Variants in KIAA0825 observed in about 807,000 individuals in gnomAD.
The protein encoded by KIAA0825 is uncharacterized protein KIAA0825.
Under a neutral mutation model 147.6 loss-of-function variants are expected in KIAA0825, and 119 were observed. The observed-to-expected ratio is 0.81, with a 90% confidence interval of 0.69 to 0.94. The LOEUF is 0.94. Ranked by LOEUF, KIAA0825 falls within the 40% of genes least tolerant of loss-of-function variation. The pLI is 0.00. For synonymous variants in KIAA0825, 470 were observed against 518.1 expected (o/e 0.91, Z 1.26); for missense variants, 1,381 against 1,472.7 (o/e 0.94, Z 1.02).
At chr5:94,402,151 A>G (rs574685462) in intron 16 of KIAA0825, among the ~76,000 whole-genome samples, 1 of 152,286 alleles carries the variant, frequency 6.6e-6, no homozygotes, top group African/African-American at 2.4e-5. Context: ...TTTATGAAAA[A>G]TGTTATTTAG....
At chr5:94,527,279 C>G (rs1769505115) in intron 3 of KIAA0825, among the ~76,000 whole-genome samples, 1 of 151,878 alleles carries the variant, frequency 6.6e-6, no homozygotes, top group Admixed American at 6.6e-5. Flanking sequence ...TAATATTGAA[C>G]TGGTACAGTT....
At chr5:94,546,508 G>A (rs945712879) in intron 2 of KIAA0825, among the ~76,000 whole-genome samples, 1 of 136,552 alleles carries the variant, frequency 7.3e-6, no homozygotes, top group Non-Finnish European at 1.6e-5. Context: ...AGCTCCAGGT[G>A]GCTCAGCACA....
intron 10 of KIAA0825, 97 bp from the exon 11 acceptor site, chr5:94,465,156 G>T: frequency 8.6e-7 from 1 of 1,164,360 alleles, no homozygotes; most frequent in Non-Finnish European, 1.2e-6. Context: ...AAAGGAAATA[G>T]CTAAAGAGTT....
intron 20 of KIAA0825, among the ~76,000 whole-genome samples, chr5:94,356,525 T>C (rs1784275423): frequency 6.6e-6 from 1 of 150,484 alleles, no homozygotes; most frequent in African/African-American, 2.4e-5. Context: ...GGCAGGAGAA[T>C]GGCGTGCACC....
chr5:94,607,071 A>G (rs1229672007), intron 1 of KIAA0825, among the ~76,000 whole-genome samples: 1 of 152,088 alleles, frequency 6.6e-6, no homozygotes, highest in East Asian at 1.9e-4. Context: ...CACTTTCTCA[A>G]CCACTAGACT....
intron 3 of KIAA0825, among the ~76,000 whole-genome samples, chr5:94,531,840 C>A (rs1242300245): frequency 2.0e-5 from 3 of 152,180 alleles, no homozygotes; most frequent in Non-Finnish European, 2.9e-5. Flanking sequence ...TGCCACAATA[C>A]TGCCAGAAAT....
intron 20 of KIAA0825, among the ~76,000 whole-genome samples, chr5:94,185,106 AG>A (rs1026160447): frequency 1.5e-4 from 23 of 152,246 alleles, no homozygotes; most frequent in Non-Finnish European, 2.9e-4. Flanking sequence ...GGTTTTCTAA[AG>A]GGCAGCCCCA....
At chr5:94,517,520 A>G (rs1767452651) in intron 5 of KIAA0825, among the ~76,000 whole-genome samples, 1 of 152,120 alleles carries the variant, frequency 6.6e-6, no homozygotes, top group Non-Finnish European at 1.5e-5. Flanking sequence ...GCAACTAAAG[A>G]TTGAATAGGT....
In KIAA0825 at chr5:94,545,536, G is replaced by A. The variant is rs151065291; in HGVS notation, c.-1-8409C>T. Among the ~76,000 whole-genome samples the A allele has an allele frequency of 4.0e-3, 608 of 152,284 alleles. 5 individuals carry two copies. The highest frequency in any genetic ancestry group is 0.014 in the African/African-American group (564 of 41,558). ...ATACTAGCTCAGCAACAATAGTACA[G>A]GGTACCAGGCAGACTTGTGAGGTCC... On this transcript the variant is annotated intron_variant, in intron 2 of 20. Transcript: ENST00000682413.
intron 20 of KIAA0825, among the ~76,000 whole-genome samples, chr5:94,247,299 C>T (rs1775680175): frequency 6.6e-6 from 1 of 152,040 alleles, no homozygotes; most frequent in Non-Finnish European, 1.5e-5. Context: ...CTACTTTTGA[C>T]CGGTAATGAA....
Position 94,520,653 on chromosome 5 carries a change from T to G in KIAA0825, c.565A>C (p.Ile189Leu), listed in dbSNP as rs756775204. 5.3e-5 allele frequency: 86 copies of G among 1,613,280 alleles called. No homozygotes were observed. The highest frequency in any genetic ancestry group is 6.8e-5 in the Non-Finnish European group (80 of 1,179,518). Residue 189 changes from isoleucine (I) to leucine (L), a missense_variant, in exon 5 of 21, where the codon ATT becomes CTT. Transcript: ENST00000682413. ...TGTAAGCACTGCTTTTTCAATAAAA[T>G]TTTTTGCTGTGAATTGTTTATTTCA... ...HNEINNSQQK[I>L]LLKKQCLQQL...
At position 94,462,413 on chromosome 5, in the gene KIAA0825, C is replaced by A; in HGVS notation, c.2220G>T (p.Leu740Phe). ...CNNLFTTLVI[L>F]TSPLTELYKT... ...TATATAATTCTGTTAATGGTGAAGT[C>A]AAAATGACTAATGTTGTAAACAGAT... The change falls in exon 12 of 21, where the codon TTG becomes TTT. Residue 740 changes from leucine (L) to phenylalanine (F), a missense_variant. By Grantham distance (22) the Leu-to-Phe change is conservative (BLOSUM62 0). Transcript: ENST00000682413. 6.8e-7 allele frequency: 1 copy of A among 1,459,940 alleles called. No individual in the cohort carries two copies. The highest frequency in any genetic ancestry group is 1.3e-5 in the South Asian group (1 of 77,622). 90.4% of individuals were successfully genotyped at this position (1,459,940 alleles called of 1,614,324 possible). A position where few individuals can be genotyped will look rare whatever the true frequency, so the allele number is the denominator to read the frequency against.
chr5:94,495,628 A>G (rs1320553678), intron 5 of KIAA0825, among the ~76,000 whole-genome samples: 1 of 152,202 alleles, frequency 6.6e-6, no homozygotes, highest in Non-Finnish European at 1.5e-5. Context: ...TGGCCATCCG[A>G]GGCTCATGAG....
chr5:94,184,132 G>A (rs898502764), intron 20 of KIAA0825, among the ~76,000 whole-genome samples: 3 of 152,172 alleles, frequency 2.0e-5, no homozygotes, highest in African/African-American at 4.8e-5. Flanking sequence ...CAGAGAACTG[G>A]AGAACTGCAT....
intron 2 of KIAA0825, among the ~76,000 whole-genome samples, chr5:94,557,057 T>C (rs985661504): frequency 6.6e-6 from 1 of 152,230 alleles, no homozygotes; most frequent in Admixed American, 6.5e-5. Flanking sequence ...ACCAGGCTCC[T>C]GGTAGGAAAC....
At chr5:94,214,593 T>G (rs1773040940) in intron 20 of KIAA0825, among the ~76,000 whole-genome samples, 1 of 152,194 alleles carries the variant, frequency 6.6e-6, no homozygotes, top group African/African-American at 2.4e-5. Context: ...TGGGCCATCT[T>G]TATTCTTGCC....
rs1160024967 is a variant in KIAA0825 at position 94,154,096 on chromosome 5, C to A, written c.3739G>T (p.Glu1247Ter). 6.4e-7 allele frequency: 1 copy of A among 1,551,438 alleles called. No individual in the cohort carries two copies. The highest frequency in any genetic ancestry group is 1.4e-5 in the African/African-American group (1 of 73,152). ...TCCAGTATTGCTTTTTCTTCCTCTT[C>A]TAGTGTTTCATCCTTCTTCATTTCC... ...RWEMKKDETL[E>*]EEEKAILEHL... The change falls in exon 21 of 21, where the codon GAA becomes TAA. Residue 1247 changes from glutamate (E) to a stop codon, truncating the protein, a stop_gained. Transcript: ENST00000682413. LOFTEE classifies it high-confidence loss of function.
chr5:94,587,173 G>A (rs1783465314), intron 1 of KIAA0825, among the ~76,000 whole-genome samples: 1 of 152,138 alleles, frequency 6.6e-6, no homozygotes, highest in Non-Finnish European at 1.5e-5. Flanking sequence ...ATTCAACATA[G>A]TATTGGAAGT....
At chr5:94,401,992 C>T (rs1751439646) in intron 16 of KIAA0825, among the ~76,000 whole-genome samples, 1 of 152,168 alleles carries the variant, frequency 6.6e-6, no homozygotes, top group African/African-American at 2.4e-5. Context: ...TAAAGAAGAA[C>T]AATGGCATTC....
Sources: gnomAD v4.1 joint callset for allele counts (sites outside exome capture counted in the v4.1 genomes callset) on GRCh38, gnomAD v4.1.1 for gene constraint, MANE v1.5 for transcripts, NCBI Gene and HGNC (gene_info 2026-07-23, HGNC 2026-07-21) for gene names.